Variants in MAST4 observed in about 807,000 individuals in gnomAD.
The protein encoded by MAST4 is microtubule associated serine/threonine kinase family member 4.
MAST4 carries 89 observed loss-of-function variants against 162.7 expected under a neutral mutation model. The observed-to-expected ratio is 0.55, with a 90% CI of 0.46 to 0.65. The LOEUF (loss-of-function observed/expected upper bound fraction) is 0.65. MAST4 is among the 30% of genes least tolerant of loss of function. The pLI is 0.00. For missense variants in MAST4, 3,153 were observed against 3,374.0 expected, an observed-to-expected ratio of 0.93 and a Z score of 1.62; for synonymous variants, 1,479 against 1,361.1, an observed-to-expected ratio of 1.09 and a Z score of -1.91.
At position 67,164,130 on chromosome 5, in the gene MAST4, C is replaced by T. The variant is rs1162939323; in HGVS notation, c.4951C>T (p.His1651Tyr). 2.5e-6 allele frequency: 4 copies of T among 1,602,144 alleles called. No individual in the cohort carries two copies. Among genetic ancestry groups the T allele is most frequent in the East Asian group, 2.3e-5 (1 of 44,408 alleles). Residue 1651 changes from histidine to tyrosine, a missense_variant, in exon 29 of 29, where the codon CAC becomes TAC. Around this residue, in one of 7 missense-constraint regions of MAST4, gnomAD observed 1,644 missense variants for 1,495.0 expected, o/e 1.10. Coordinates refer to ENST00000403625, the MANE Select transcript of MAST4 (RefSeq NM_001164664.2). This position sits in a 1 kb window ranked among gnomAD's most constrained non-coding sequence, Gnocchi z 5.3. ...APGTLQDGLCHSLDRGISGKG... is the reference protein window; with the variant it reads ...APGTLQDGLCYSLDRGISGKG... ...TGGCACCCTCCAGGATGGTCTCTGCCACTCCCTCGACAGGGGCATCTCTGG... is the reference window on the plus strand; with the variant it reads ...TGGCACCCTCCAGGATGGTCTCTGCTACTCCCTCGACAGGGGCATCTCTGG...
intron 26 of MAST4, among the ~76,000 whole-genome samples, chr5:67,156,583 T>C (rs954148919): frequency 6.6e-6 from 1 of 152,144 alleles, no homozygotes; most frequent in Non-Finnish European, 1.5e-5. Context: ...TGAGTGGCAA[T>C]TCAGTATATA....
intron 3 of MAST4, among the ~76,000 whole-genome samples, chr5:66,848,739 T>G (rs926805661): frequency 4.6e-5 from 7 of 152,222 alleles, no homozygotes; most frequent in Non-Finnish European, 4.4e-5. Context: ...CTTTTCTTCC[T>G]AGTTTTCTTC....
chr5:66,857,540 A>G (rs1382820945), intron 3 of MAST4, among the ~76,000 whole-genome samples: 1 of 152,200 alleles, frequency 6.6e-6, no homozygotes. Flanking sequence ...GTTTTCTTTT[A>G]TACCAACATT....
At chr5:66,772,658 TGGA>T (rs932526043) in intron 2 of MAST4, among the ~76,000 whole-genome samples, 1 of 152,162 alleles carries the variant, frequency 6.6e-6, no homozygotes, top group African/African-American at 2.4e-5. Flanking sequence ...CTTGCCTGGG[TGGA>T]GACAGCATCT....
chr5:66,844,638 G>A (rs1758681980), intron 3 of MAST4, among the ~76,000 whole-genome samples: 1 of 152,158 alleles, frequency 6.6e-6, no homozygotes, highest in Non-Finnish European at 1.5e-5. Flanking sequence ...ATGGCCAGAA[G>A]TGGAGATGGC....
rs565322973 is a variant in MAST4 at position 66,860,950 on chromosome 5, G to A, written c.643-39001G>A. Among the ~76,000 whole-genome samples the A allele has an allele frequency of 1.8e-3, 268 of 152,206 alleles. 2 individuals are homozygous for A. The highest frequency in any genetic ancestry group is 6.0e-3 in the African/African-American group (249 of 41,536). The stretch of plus-strand genomic sequence containing the variant: ...GATGGAGTTGGGATCCCTGGCTGGT[G>A]GGCAACAAAATGCAGCACCTGAGTC... On this transcript the variant is annotated intron_variant, in intron 3 of 28. Transcript: ENST00000403625.
intron 1 of MAST4, among the ~76,000 whole-genome samples, chr5:66,650,521 ATAAG>A (rs1341097361): frequency 6.6e-6 from 1 of 152,224 alleles, no homozygotes; most frequent in Admixed American, 6.6e-5. Context: ...CCTCAAAAGC[ATAAG>A]TAATAGTATA....
At position 67,165,132 on chromosome 5, in the gene MAST4, C is replaced by T. The variant is rs979845338; in HGVS notation, c.5953C>T (p.Arg1985Cys). ...AGGCCCTCCCACAGCCAGAAGCGAG[C>T]GCTCTGCTGCGAGGGCTGACACATG... ...ERGPPTARSERSAARADTCRE... is the reference protein window; with the variant it reads ...ERGPPTARSECSAARADTCRE... Residue 1985 changes from arginine (R) to cysteine (C), a missense_variant, in exon 29 of 29, where the codon CGC becomes TGC. Physicochemically the swap from Arg to Cys is radical, Grantham distance 180. Around this residue, in one of 7 missense-constraint regions of MAST4, gnomAD observed 1,644 missense variants for 1,495.0 expected, o/e 1.10. Coordinates refer to ENST00000403625, the MANE Select transcript of MAST4 (RefSeq NM_001164664.2). 2.5e-6 allele frequency: 4 copies of T among 1,588,688 alleles called. No homozygotes were observed. The highest frequency in any genetic ancestry group is 1.8e-5 in the Admixed American group (1 of 55,522).
intron 3 of MAST4, among the ~76,000 whole-genome samples, chr5:66,891,439 C>G (rs149475970): frequency 2.6e-5 from 4 of 152,168 alleles, no homozygotes; most frequent in African/African-American, 7.2e-5. Flanking sequence ...CTCCCAGAGC[C>G]ATGTGACACC....
In MAST4 at chr5:67,162,699, C is replaced by T. The variant is rs371063642; in HGVS notation, c.3878C>T (p.Ser1293Leu). The T allele has an allele frequency of 4.3e-6, 7 of 1,613,744 alleles. No individual in the cohort carries two copies. In the African/African-American group the frequency reaches 5.3e-5, roughly 12 times the overall value. Residue 1293 changes from serine (S) to leucine (L), a missense_variant, in exon 28 of 29, where the codon TCG (serine) becomes TTG (leucine). Ser to Leu is a moderately radical substitution (Grantham distance 145). Transcript: ENST00000403625. The stretch of plus-strand genomic sequence containing the variant: ...TCCTGCTTGAACAGATCCCTGTCAT[C>T]GGGTGAGAGCCTCCCAGGTTCCCCC... The part of the protein sequence containing the change: ...SFSCLNRSLS[S>L]GESLPGSPTH...
At chr5:67,071,549 C>A (rs1760996587) in intron 5 of MAST4, among the ~76,000 whole-genome samples, 2 of 152,104 alleles carry the variant, frequency 1.3e-5, no homozygotes, top group Non-Finnish European at 2.9e-5. Context: ...CACCTGAGGT[C>A]AGGAGTTCAA....
In MAST4 at chr5:67,166,677, A is replaced by G. The variant is rs559705314; in HGVS notation, c.7498A>G (p.Arg2500Gly). The G allele has an allele frequency of 7.4e-5, 118 of 1,595,988 alleles. 1 individual carries two copies. The South Asian group carries it at 1.2e-3, about 16-fold the overall frequency. The part of the protein sequence containing the change: ...GMLELPAPSN[R>G]DHRKAQPAGE... ...GCTGGAGCTTCCAGCCCCCAGCAAC[A>G]GGGACCATAGGAAGGCTCAGCCTGC... is the stretch of plus-strand genomic sequence containing the variant. The change falls in exon 29 of 29, where the codon AGG (arginine) becomes GGG (glycine). Residue 2500 changes from arginine to glycine, a missense_variant. Around this residue, in one of 7 missense-constraint regions of MAST4, gnomAD observed 1,644 missense variants for 1,495.0 expected, o/e 1.10. Transcript: ENST00000403625.
rs1163750232 is a variant in MAST4, at chr5:66,619,018, C to T, written c.363+22000C>T. Among the ~76,000 whole-genome samples, 5 of 152,126 alleles carry T rather than the reference C, an allele frequency of 3.3e-5. No individual in the cohort carries two copies. The East Asian group carries it at 5.8e-4, about 18-fold the overall frequency. On this transcript the variant is annotated intron_variant, in intron 1 of 28. Transcript: ENST00000403625. Reference sequence around the variant, plus strand: ...CAACGCACTAAATGCTGGCCTGTCACCCCAAGTCTTGTGGAGGGTAGTAGG... The same window carrying T: ...CAACGCACTAAATGCTGGCCTGTCATCCCAAGTCTTGTGGAGGGTAGTAGG...
At chr5:66,856,766 T>G (rs1409414247) in intron 3 of MAST4, among the ~76,000 whole-genome samples, 1 of 152,258 alleles carries the variant, frequency 6.6e-6, no homozygotes, top group Non-Finnish European at 1.5e-5. Context: ...TGGATTGTGC[T>G]TTTTATTAAA....
intron 3 of MAST4, among the ~76,000 whole-genome samples, chr5:66,844,139 C>CTGTGTGTGTGTGTGTG (rs59568297): frequency 9.6e-6 from 1 of 104,510 alleles, no homozygotes; most frequent in Non-Finnish European, 1.9e-5. Flanking sequence ...CCCAGTCAGC[C>CTGTGTGTGTGTGTGTG]TGTGTGTGTG....
chr5:67,166,655 G>A lies in MAST4; in HGVS notation c.7476G>A (p.Leu2492=). Reference sequence around the variant, plus strand: ...CTGCCAAGGCCGCCGGGGGCATGCTGGAGCTTCCAGCCCCCAGCAACAGGG... The same window carrying A: ...CTGCCAAGGCCGCCGGGGGCATGCTAGAGCTTCCAGCCCCCAGCAACAGGG... ...TSSAKAAGGM[L]ELPAPSNRDH... Residue 2492 remains leucine (L), a synonymous_variant, in exon 29 of 29, where the codon CTG becomes CTA. Coordinates refer to ENST00000403625, the MANE Select transcript of MAST4 (RefSeq NM_001164664.2). 1.3e-6 allele frequency: 2 copies of A among 1,598,476 alleles called. No homozygotes were observed. The highest frequency in any genetic ancestry group is 1.7e-6 in the Non-Finnish European group (2 of 1,172,784).
At chr5:66,859,696 A>G (rs1401238945) in intron 3 of MAST4, among the ~76,000 whole-genome samples, 1 of 152,236 alleles carries the variant, frequency 6.6e-6, no homozygotes, top group Non-Finnish European at 1.5e-5. Context: ...ATTGAGTGCA[A>G]TATCACATGA....
At chr5:66,636,686 G>C (rs1206321055) in intron 1 of MAST4, among the ~76,000 whole-genome samples, 1 of 152,128 alleles carries the variant, frequency 6.6e-6, no homozygotes, top group East Asian at 1.9e-4. Context: ...TTGTGCCTGG[G>C]GTGTAGCTTT....
At chr5:66,823,079 G>T (rs1215705481) in intron 3 of MAST4, among the ~76,000 whole-genome samples, 1 of 152,106 alleles carries the variant, frequency 6.6e-6, no homozygotes, top group Non-Finnish European at 1.5e-5. Context: ...ATGAGATCTG[G>T]TGGTTTTATA....
Sources: allele counts gnomAD v4.1 joint callset (sites outside exome capture counted in the v4.1 genomes callset), GRCh38; gene constraint gnomAD v4.1.1; regional missense constraint gnomAD v4.1.1; non-coding constraint Gnocchi (gnomAD v3.1); transcripts MANE v1.5; gene names NCBI Gene and HGNC (gene_info 2026-07-23, HGNC 2026-07-21).